Variants in NEK6 observed in about 807,000 individuals in gnomAD.
NEK6 encodes NIMA related kinase 6.
A neutral mutation model predicts 43.5 loss-of-function variants in NEK6; 27 were observed. The observed-to-expected ratio is 0.62, with a 90% confidence interval of 0.46 to 0.86. The LOEUF (loss-of-function observed/expected upper bound fraction) is 0.86, where lower values mean the gene tolerates loss of function less well. Among genes scored for constraint, NEK6 ranks in the 40% least tolerant of loss-of-function variants. NEK6 has a pLI of 0.00. For missense variants in NEK6, 318 were observed against 414.4 expected (o/e 0.77, Z 2.02); for synonymous variants, 167 against 164.1 (o/e 1.02, Z -0.14).
Position 124,351,176 on chromosome 9 carries a change from T to G in NEK6, c.*229T>G. The stretch of plus-strand genomic sequence containing the variant: ...ATTCCAAAGTCCTTTCTTTATACTG[T>G]TGTGGACAATCTCAGCTGGGTCAAT... On this transcript the variant is annotated 3_prime_UTR_variant, in exon 10 of 10. Transcript: ENST00000320246. The G allele has an allele frequency of 2.1e-6, 1 of 469,568 alleles. No individual in the cohort carries two copies. The highest frequency in any genetic ancestry group is 3.9e-6 in the Non-Finnish European group (1 of 256,452). The allele number at this position is 469,568 out of a possible 1,614,324, so 29.1% of individuals were successfully genotyped here.
At chr9:124,293,376 G>A (rs1473661765) in intron 1 of NEK6, among the ~76,000 whole-genome samples, 1 of 152,194 alleles carries the variant, frequency 6.6e-6, no homozygotes, top group African/African-American at 2.4e-5. Context: ...CTTCAGGGAG[G>A]CTGGGAGCGG....
intron 8 of NEK6, among the ~76,000 whole-genome samples, chr9:124,347,293 G>C (rs946988320): frequency 6.6e-6 from 1 of 152,222 alleles, no homozygotes; most frequent in South Asian, 2.1e-4. Flanking sequence ...AAAGCTCTCT[G>C]AACATGTGGG....
At position 124,351,978 on chromosome 9, in the gene NEK6, A is replaced by G. The variant is rs1045899333; in HGVS notation, c.*1031A>G. The stretch of plus-strand genomic sequence containing the variant: ...AGTCCATGGACCACGGAAGTCGAGA[A>G]TTAATGTACACCTGTATCATGTGTA... On this transcript the variant is annotated 3_prime_UTR_variant, in exon 10 of 10. Coordinates refer to ENST00000320246, the MANE Select transcript of NEK6 (RefSeq NM_014397.6). The G allele has an allele frequency of 2.0e-5, 3 of 152,684 alleles. No homozygotes were observed. The highest frequency in any genetic ancestry group is 7.2e-5 in the African/African-American group (3 of 41,466). The allele number at this position is 152,684 out of a possible 1,614,324, so 9.5% of individuals were successfully genotyped here. A position where few individuals can be genotyped will look rare whatever the true frequency, so the allele number is the denominator to read the frequency against.
At chr9:124,292,165 A>C in intron 1 of NEK6, 1 of 1,243,746 alleles carries the variant, frequency 8.0e-7, no homozygotes, top group South Asian at 1.8e-5. Flanking sequence ...ATGGGGAACC[A>C]GGCCCCAGGG....
intron 2 of NEK6, among the ~76,000 whole-genome samples, chr9:124,307,497 T>C (rs1220856969): frequency 6.6e-6 from 1 of 152,214 alleles, no homozygotes; most frequent in South Asian, 2.1e-4. Context: ...TCAAATCCCA[T>C]GTGCCTGCCC....
At position 124,321,580 on chromosome 9, in the gene NEK6, G is replaced by A. The variant is rs769655650; in HGVS notation, c.405+11G>A. ...TCGCAGATGATCAAGGTGAGCGCCT[G>A]GCGGGGTGGGGGTGCTGGGGGCTGC... On this transcript the variant is annotated intron_variant, in intron 5 of 9. Transcript: ENST00000320246. The A allele has an allele frequency of 2.7e-5, 42 of 1,559,446 alleles. No individual in the cohort carries two copies. The highest frequency in any genetic ancestry group is 3.3e-4 in the Middle Eastern group (2 of 5,976).
Position 124,258,138 on chromosome 9 carries a change from G to A in NEK6, c.-30+53G>A, listed in dbSNP as rs184878987. 2.7e-3 allele frequency: 2,595 copies of A among 978,312 alleles called. 51 individuals are homozygous for A. In the African/African-American group the frequency reaches 0.042, roughly 16 times the overall value. 60.6% of individuals were successfully genotyped at this position (978,312 alleles called of 1,614,324 possible). ...CGGTGGGGCCCCGCGGCCCGGAGAA[G>A]GGCGGGGGCCGGGCGGCGGGGCCGT... On this transcript the variant is annotated intron_variant, in intron 1 of 9. Transcript: ENST00000320246.
chr9:124,301,810 C>T (rs994033359), intron 1 of NEK6, 126 bp from the exon 2 acceptor site: 13 of 755,918 alleles, frequency 1.7e-5, no homozygotes, highest in East Asian at 2.7e-5. Flanking sequence ...GCTGGGTGAC[C>T]GTGGGCAAAT....
chr9:124,285,640 C>T (rs60945421), intron 1 of NEK6, among the ~76,000 whole-genome samples: 2,454 of 152,278 alleles, frequency 0.016, 75 homozygotes, highest in African/African-American at 0.055. Context: ...TCTCCAAACA[C>T]AGGCCCGCTG....
chr9:124,274,063 T>C (rs1044407485), intron 1 of NEK6, among the ~76,000 whole-genome samples: 2 of 152,180 alleles, frequency 1.3e-5, no homozygotes, highest in African/African-American at 2.4e-5. Flanking sequence ...TTTGGAACTG[T>C]CTTGGGGACA....
intron 7 of NEK6, among the ~76,000 whole-genome samples, chr9:124,335,414 G>A (rs1323259113): frequency 1.3e-5 from 2 of 152,198 alleles, no homozygotes; most frequent in Non-Finnish European, 2.9e-5. Context: ...ATGCATAGAG[G>A]ATGACACCTT....
At chr9:124,333,795 T>TTTTTA (rs1829146331) in intron 7 of NEK6, among the ~76,000 whole-genome samples, 2 of 148,178 alleles carry the variant, frequency 1.3e-5, no homozygotes, top group African/African-American at 5.1e-5. Context: ...TTTTTTTTTT[T>TTTTTA]GAGACTGAAT....
rs1003517718 is a variant in NEK6 at position 124,275,950 on chromosome 9, G to C, written c.-30+17865G>C. Among the ~76,000 whole-genome samples the C allele has an allele frequency of 3.3e-5, 5 of 152,256 alleles. No individual in the cohort carries two copies. The highest frequency in any genetic ancestry group is 5.9e-5 in the Non-Finnish European group (4 of 68,046). On this transcript the variant is annotated intron_variant, in intron 1 of 9. Coordinates refer to ENST00000320246, the MANE Select transcript of NEK6 (RefSeq NM_014397.6). The surrounding 1 kb of genome is among the most constrained non-coding windows in gnomAD (Gnocchi z 4.4). ...ACATACCCATTGTGCCTGCTGCGGT[G>C]ATCCTTTAAACGACAGTTAGGTTTG...
chr9:124,257,915 A>C, upstream of NEK6: 1 of 952,902 alleles, frequency 1.0e-6, no homozygotes, highest in Non-Finnish European at 1.2e-6. Context: ...CGCGGCGGGG[A>C]GGGGCGGGCG....
At chr9:124,260,691 A>G (rs1262139254) in intron 1 of NEK6, among the ~76,000 whole-genome samples, 3 of 152,186 alleles carry the variant, frequency 2.0e-5, no homozygotes, top group African/African-American at 7.2e-5. Flanking sequence ...ATGAGCCACC[A>G]TGCCCGGCCA....
intron 1 of NEK6, chr9:124,292,770 C>A: frequency 7.7e-7 from 1 of 1,295,782 alleles, no homozygotes. Flanking sequence ...ACCAGTTACC[C>A]AGCCTCTCCT....
At chr9:124,313,854 C>G in intron 3 of NEK6, 69 bp from the exon 4 acceptor site, 2 of 1,529,930 alleles carry the variant, frequency 1.3e-6, no homozygotes, top group South Asian at 2.3e-5. Context: ...AAAGCAGACC[C>G]CGTGGCCTCC....
chr9:124,291,458 C>G (rs1156484982), intron 1 of NEK6, among the ~76,000 whole-genome samples: 1 of 152,160 alleles, frequency 6.6e-6, no homozygotes, highest in African/African-American at 2.4e-5. Flanking sequence ...GAAACCCCAT[C>G]TCTACTAAAA....
chr9:124,296,755 G>T (rs1029765867), intron 1 of NEK6, among the ~76,000 whole-genome samples: 1 of 152,212 alleles, frequency 6.6e-6, no homozygotes, highest in African/African-American at 2.4e-5. Context: ...TGCTTCACTG[G>T]CCGGGCCACG....
Sources: gnomAD v4.1 joint callset for allele counts (sites outside exome capture counted in the v4.1 genomes callset) on GRCh38, gnomAD v4.1.1 for gene constraint, Gnocchi (gnomAD v3.1) non-coding constraint, MANE v1.5 for transcripts, NCBI Gene and HGNC (gene_info 2026-07-23, HGNC 2026-07-21) for gene names.